Variants in BMPR1B observed in about 807,000 individuals in gnomAD.
BMPR1B encodes bone morphogenetic protein receptor type-1B.
Under a neutral mutation model 59.1 loss-of-function variants are expected in BMPR1B, and 12 were observed. The ratio of observed to expected loss-of-function variants is 0.20; its 90% CI spans 0.13 to 0.33. BMPR1B has a LOEUF of 0.33. Ranked by LOEUF, BMPR1B falls within the 10% of genes least tolerant of loss-of-function variation. BMPR1B has a pLI of 1.00. For missense variants in BMPR1B, 550 were observed against 610.9 expected (o/e 0.90, Z 1.05); for synonymous variants, 237 against 207.3 (o/e 1.14, Z -1.23).
At chr4:94,834,334 C>T (rs142975252) in intron 1 of BMPR1B, among the ~76,000 whole-genome samples, 73 of 152,264 alleles carry the variant, frequency 4.8e-4, no homozygotes, top group African/African-American at 1.4e-3. Flanking sequence ...TTAGTTCTTT[C>T]GTGATATGCT....
chr4:94,763,567 GA>G (rs1260135916), intron 1 of BMPR1B, among the ~76,000 whole-genome samples: 1 of 151,818 alleles, frequency 6.6e-6, no homozygotes, highest in African/African-American at 2.4e-5. Flanking sequence ...TCGGCTAAAG[GA>G]AAAAAAAGAT....
rs148018369 is a variant in BMPR1B at position 95,101,577 on chromosome 4, T to C, written c.-17-2831T>C. ...TTGGTGTTAAGCAGTAAAGCTTTGC[T>C]TCTTAGCTTTCCCCCCACATTTGGC... On this transcript the variant is annotated intron_variant, in intron 3 of 12. Transcript: ENST00000515059. Among the ~76,000 whole-genome samples, 911 of 152,320 alleles carry C rather than the reference T, an allele frequency of 6.0e-3. 11 individuals carry two copies. The highest frequency in any genetic ancestry group is 0.021 in the African/African-American group (882 of 41,572).
At chr4:95,149,957 G>A (rs779271093) in intron 11 of BMPR1B, among the ~76,000 whole-genome samples, 10 of 152,166 alleles carry the variant, frequency 6.6e-5, no homozygotes, top group Non-Finnish European at 1.2e-4. Flanking sequence ...CACATAAATA[G>A]CACTCAATAC....
At chr4:95,100,477 A>G (rs901308712) in intron 3 of BMPR1B, among the ~76,000 whole-genome samples, 3 of 152,012 alleles carry the variant, frequency 2.0e-5, no homozygotes, top group Non-Finnish European at 2.9e-5. Flanking sequence ...TTTCCTCTCT[A>G]TAAAAAAAAT....
chr4:94,840,449 C>A, intron 1 of BMPR1B, among the ~76,000 whole-genome samples: 1 of 147,362 alleles, frequency 6.8e-6, no homozygotes, highest in Non-Finnish European at 1.5e-5. Context: ...TTCTTGGAGG[C>A]TTTGCTCATT....
At chr4:94,875,077 T>C (rs1032396312) in intron 1 of BMPR1B, among the ~76,000 whole-genome samples, 1 of 152,192 alleles carries the variant, frequency 6.6e-6, no homozygotes, top group Non-Finnish European at 1.5e-5. Context: ...ACTGTAAGTC[T>C]AGTAAGACTT....
At chr4:94,779,574 T>C (rs1056041172) in intron 1 of BMPR1B, among the ~76,000 whole-genome samples, 5 of 152,222 alleles carry the variant, frequency 3.3e-5, no homozygotes, top group African/African-American at 1.2e-4. Flanking sequence ...CTCATGCCTG[T>C]AATCCCAGCA....
Position 95,041,831 on chromosome 4 carries a change from C to G in BMPR1B, c.-18+45697C>G, listed in dbSNP as rs147181560. ...ATAATCAGAGTGAGCATCCCTAATC[C>G]AAAATCTGAAATACTCCAAAATCCA... On this transcript the variant is annotated intron_variant, in intron 3 of 12. Transcript: ENST00000515059. Among the ~76,000 whole-genome samples the G allele has an allele frequency of 9.2e-5, 14 of 152,054 alleles. No individual in the cohort carries two copies. The East Asian group carries it at 2.5e-3, about 27-fold the overall frequency.
intron 1 of BMPR1B, among the ~76,000 whole-genome samples, chr4:94,845,134 T>C (rs989873329): frequency 6.6e-6 from 1 of 152,054 alleles, no homozygotes; most frequent in African/African-American, 2.4e-5. Flanking sequence ...AAAATAAATA[T>C]ATCATAGATG....
intron 4 of BMPR1B, among the ~76,000 whole-genome samples, chr4:95,105,015 A>G (rs886893385): frequency 6.6e-6 from 1 of 152,116 alleles, no homozygotes; most frequent in Non-Finnish European, 1.5e-5. Flanking sequence ...GACTCTGGGA[A>G]GCAGTGCAGT....
intron 2 of BMPR1B, among the ~76,000 whole-genome samples, chr4:94,981,801 T>C (rs1344439770): frequency 6.6e-6 from 1 of 152,198 alleles, no homozygotes; most frequent in African/African-American, 2.4e-5. Flanking sequence ...TGTAAACCCA[T>C]GATGATTCTT....
chr4:95,091,071 A>G (rs1393103069), intron 3 of BMPR1B, among the ~76,000 whole-genome samples: 6 of 152,130 alleles, frequency 3.9e-5, no homozygotes, highest in Non-Finnish European at 8.8e-5. Flanking sequence ...GACATTGCAT[A>G]TTGAAATAGC....
At chr4:94,952,225 A>AT (rs1253188213) in intron 2 of BMPR1B, among the ~76,000 whole-genome samples, 2 of 151,860 alleles carry the variant, frequency 1.3e-5, no homozygotes, top group African/African-American at 2.4e-5. Flanking sequence ...GGATTCATTG[A>AT]TTTTTTTGAA....
chr4:94,798,352 C>A (rs1723273564), intron 1 of BMPR1B, among the ~76,000 whole-genome samples: 1 of 152,204 alleles, frequency 6.6e-6, no homozygotes, highest in African/African-American at 2.4e-5. Context: ...ACTGCTGCTA[C>A]CACTCCCAGT....
intron 8 of BMPR1B, among the ~76,000 whole-genome samples, chr4:95,127,050 G>A: frequency 6.6e-6 from 1 of 151,704 alleles, no homozygotes; most frequent in Non-Finnish European, 1.5e-5. Context: ...AAGACTGTGT[G>A]TGTGTGTGTG....
At chr4:94,841,152 A>C (rs376981624) in intron 1 of BMPR1B, among the ~76,000 whole-genome samples, 3 of 139,782 alleles carry the variant, frequency 2.1e-5, no homozygotes, top group East Asian at 3.9e-4. Context: ...TGGGAGAACC[A>C]CTGCTCTCTT....
chr4:94,779,148 G>A (rs978453715), intron 1 of BMPR1B, among the ~76,000 whole-genome samples: 1 of 151,864 alleles, frequency 6.6e-6, no homozygotes, highest in African/African-American at 2.4e-5. Flanking sequence ...ATATGTAATT[G>A]AATTTTTTTC....
At position 95,091,834 on chromosome 4, in the gene BMPR1B, C is replaced by T. The variant is rs527832231; in HGVS notation, c.-17-12574C>T. The stretch of plus-strand genomic sequence containing the variant: ...ACATGGCAAGAAAATACCATGTAGC[C>T]GAACTCTTCTGGTAGTGTATAATTT... On this transcript the variant is annotated intron_variant, in intron 3 of 12. Transcript: ENST00000515059. Among the ~76,000 whole-genome samples the T allele has an allele frequency of 3.6e-3, 545 of 151,982 alleles. 1 individual carries two copies. Among genetic ancestry groups the T allele is most frequent in the African/African-American group, 0.011 (455 of 41,466 alleles).
At chr4:95,012,909 C>T (rs961084107) in intron 3 of BMPR1B, among the ~76,000 whole-genome samples, 1 of 152,052 alleles carries the variant, frequency 6.6e-6, no homozygotes, top group Non-Finnish European at 1.5e-5. Flanking sequence ...TAGTAATTCT[C>T]GCTCTCATAG....
Sources: gnomAD v4.1 joint callset for allele counts (sites outside exome capture counted in the v4.1 genomes callset) on GRCh38, gnomAD v4.1.1 for gene constraint, MANE v1.5 for transcripts, NCBI Gene and HGNC (gene_info 2026-07-23, HGNC 2026-07-21) for gene names.